Variants in TAFA2 observed in about 807,000 individuals in gnomAD.
The protein encoded by TAFA2 is TAFA chemokine like family member 2.
A neutral mutation model predicts 18.8 loss-of-function variants in TAFA2; 7 were observed. That is an observed-to-expected ratio of 0.37 (90% CI 0.21 to 0.70). The LOEUF is 0.70. Among genes scored for constraint, TAFA2 ranks in the 30% least tolerant of loss-of-function variants. The pLI is 0.53. For missense variants in TAFA2, 122 were observed against 158.1 expected, an observed-to-expected ratio of 0.77 and a Z score of 1.23; for synonymous variants, 60 against 54.2, an observed-to-expected ratio of 1.11 and a Z score of -0.47.
chr12:61,816,884 CT>C (rs139252845), intron 2 of TAFA2, among the ~76,000 whole-genome samples: 1 of 151,048 alleles, frequency 6.6e-6, no homozygotes, highest in African/African-American at 2.5e-5. Context: ...TATTGTCTAA[CT>C]TTTTTTGTAT....
At chr12:62,183,426 C>G (rs1431492264) in intron 1 of TAFA2, among the ~76,000 whole-genome samples, 1 of 152,216 alleles carries the variant, frequency 6.6e-6, no homozygotes, top group African/African-American at 2.4e-5. Flanking sequence ...CTCTGTCAGT[C>G]AGGCTGGAGT....
chr12:61,851,611 T>G (rs1448086627), intron 2 of TAFA2, among the ~76,000 whole-genome samples: 1 of 150,488 alleles, frequency 6.6e-6, no homozygotes, highest in African/African-American at 2.4e-5. Context: ...CTGTCTCTAC[T>G]AAATATATAA....
intron 1 of TAFA2, among the ~76,000 whole-genome samples, chr12:61,940,728 A>G (rs1441818523): frequency 6.6e-6 from 1 of 152,170 alleles, no homozygotes; most frequent in Non-Finnish European, 1.5e-5. Context: ...TGGTCAGTAA[A>G]TGCCACTTGA....
chr12:61,899,773 T>A (rs1020324782), intron 1 of TAFA2, among the ~76,000 whole-genome samples: 2 of 152,214 alleles, frequency 1.3e-5, no homozygotes, highest in Non-Finnish European at 2.9e-5. Context: ...GTACTGAAAA[T>A]GTATAGACTT....
At chr12:62,203,757 C>G (rs535637371) in intron 1 of TAFA2, among the ~76,000 whole-genome samples, 4 of 152,160 alleles carry the variant, frequency 2.6e-5, no homozygotes, top group African/African-American at 9.7e-5. Flanking sequence ...CTCTTGAATA[C>G]AACATACCAA....
At chr12:61,952,154 T>G (rs1353491719) in intron 1 of TAFA2, among the ~76,000 whole-genome samples, 2 of 152,068 alleles carry the variant, frequency 1.3e-5, no homozygotes, top group East Asian at 3.9e-4. Flanking sequence ...TATCATCTGT[T>G]TAGGTGATGA....
intron 1 of TAFA2, among the ~76,000 whole-genome samples, chr12:62,018,282 C>A (rs1423927245): frequency 1.3e-5 from 2 of 152,136 alleles, no homozygotes; most frequent in Non-Finnish European, 2.9e-5. Flanking sequence ...TAGTCAAAAC[C>A]CATTACATTT....
intron 1 of TAFA2, among the ~76,000 whole-genome samples, chr12:61,924,034 A>T (rs951178538): frequency 3.3e-5 from 5 of 150,048 alleles, no homozygotes; most frequent in African/African-American, 1.2e-4. Context: ...ACAAGATTAG[A>T]GAGAAAAAAA....
chr12:62,174,526 A>G lies in TAFA2; in HGVS notation c.-2+16733T>C, dbSNP rs186739356. On this transcript the variant is annotated intron_variant, in intron 1 of 4. Coordinates refer to ENST00000416284, the MANE Select transcript of TAFA2 (RefSeq NM_178539.5). ...TGAGTTGGAAAGAAAGGGAGTGGTC[A>G]CCTACATCAAATGTGAGGGATATCA... is the stretch of plus-strand genomic sequence containing the variant. 1.1e-3 allele frequency among the ~76,000 whole-genome samples: 173 copies of G among 152,168 alleles called. 1 individual carries two copies. The highest frequency in any genetic ancestry group is 3.4e-3 in the Middle Eastern group (1 of 294).
intron 1 of TAFA2, among the ~76,000 whole-genome samples, chr12:62,154,697 T>A (rs2062356258): frequency 6.6e-6 from 1 of 152,074 alleles, no homozygotes; most frequent in African/African-American, 2.4e-5. Flanking sequence ...GACCTTTAAA[T>A]AAAACATTTA....
chr12:62,112,228 A>G (rs1012855468), intron 1 of TAFA2, among the ~76,000 whole-genome samples: 3 of 152,032 alleles, frequency 2.0e-5, no homozygotes, highest in Non-Finnish European at 4.4e-5. Context: ...AAAGGATTTT[A>G]TTTCTCCTTT....
At chr12:61,779,991 G>A (rs1870435932) in intron 2 of TAFA2, among the ~76,000 whole-genome samples, 2 of 151,810 alleles carry the variant, frequency 1.3e-5, no homozygotes. Context: ...AGAAGTGTAA[G>A]TCATATTGGG....
At chr12:61,981,467 A>AT (rs576204976) in intron 1 of TAFA2, among the ~76,000 whole-genome samples, 43 of 152,348 alleles carry the variant, frequency 2.8e-4, no homozygotes, top group Non-Finnish European at 5.4e-4. Flanking sequence ...ATGGGATCTA[A>AT]TTAAACTAAA....
At chr12:61,721,724 C>A (rs190134332) in intron 4 of TAFA2, among the ~76,000 whole-genome samples, 62 of 152,142 alleles carry the variant, frequency 4.1e-4, no homozygotes, top group African/African-American at 1.4e-3. Flanking sequence ...GGGAGGCCAA[C>A]GCGGGTGGAT....
At chr12:62,078,434 C>T (rs972590126) in intron 1 of TAFA2, among the ~76,000 whole-genome samples, 3 of 123,352 alleles carry the variant, frequency 2.4e-5, no homozygotes, top group Admixed American at 2.4e-4. Flanking sequence ...AAAAAAAGAA[C>T]TGGATCAGAT....
At chr12:61,744,086 T>C (rs977370715) in intron 4 of TAFA2, among the ~76,000 whole-genome samples, 1 of 152,048 alleles carries the variant, frequency 6.6e-6, no homozygotes, top group Non-Finnish European at 1.5e-5. Flanking sequence ...GTCTTAAACA[T>C]TAGATATAAA....
At chr12:61,809,315 G>C (rs1871761560) in intron 2 of TAFA2, among the ~76,000 whole-genome samples, 1 of 151,454 alleles carries the variant, frequency 6.6e-6, no homozygotes, top group Non-Finnish European at 1.5e-5. Context: ...TTATATTTAG[G>C]ATGACATTAA....
At chr12:61,777,020 G>T (rs1231217731) in intron 2 of TAFA2, among the ~76,000 whole-genome samples, 1 of 151,818 alleles carries the variant, frequency 6.6e-6, no homozygotes, top group Non-Finnish European at 1.5e-5. Context: ...GGCATTCCAG[G>T]AATTAATTTT....
intron 1 of TAFA2, among the ~76,000 whole-genome samples, chr12:62,248,788 T>TA (rs1219952160): frequency 1.3e-5 from 2 of 152,168 alleles, no homozygotes; most frequent in African/African-American, 4.8e-5. Flanking sequence ...TTTACTAACT[T>TA]AAACATTTTT....
Sources: allele counts gnomAD v4.1 joint callset (sites outside exome capture counted in the v4.1 genomes callset), GRCh38; gene constraint gnomAD v4.1.1; transcripts MANE v1.5; gene names NCBI Gene and HGNC (gene_info 2026-07-23, HGNC 2026-07-21).